TENM2: variants seen among roughly 807,000 people sequenced by gnomAD.
TENM2 encodes the protein teneurin transmembrane protein 2.
In TENM2, 52 loss-of-function variants were observed where a neutral mutation model predicts 245.2. The observed-to-expected ratio is 0.21, with a 90% confidence interval of 0.17 to 0.27. The LOEUF (loss-of-function observed/expected upper bound fraction) is 0.27. Among genes scored for constraint, TENM2 ranks in the 10% least tolerant of loss-of-function variants. TENM2 has a pLI of 1.00. For missense variants in TENM2, 3,046 were observed against 3,666.8 expected (o/e 0.83, Z 4.37); for synonymous variants, 1,363 against 1,438.9 (o/e 0.95, Z 1.19).
chr5:166,990,277 C>G, the TENM2 span, among the ~76,000 whole-genome samples: 1 of 152,170 alleles, frequency 6.6e-6, no homozygotes, highest in Non-Finnish European at 1.5e-5. Context: ...CATCTGAAGG[C>G]TCAGCCTTTA....
chr5:168,220,777 G>T (rs1462541751), intron 23 of TENM2, among the ~76,000 whole-genome samples: 1 of 152,076 alleles, frequency 6.6e-6, no homozygotes, highest in East Asian at 1.9e-4. Context: ...TTAGAGAAAG[G>T]GTGATGAAGA....
At chr5:167,820,947 C>T (rs569107974) in intron 2 of TENM2, 1 of 152,266 alleles carries the variant, frequency 6.6e-6, no homozygotes, top group African/African-American at 2.4e-5. Flanking sequence ...GTCTGCCAAG[C>T]CAAATATCCA....
At chr5:167,360,811 T>C (rs1033052903) in intron 1 of TENM2, among the ~76,000 whole-genome samples, 18 of 152,116 alleles carry the variant, frequency 1.2e-4, no homozygotes, top group Non-Finnish European at 7.4e-5. Context: ...GACTGGAGAT[T>C]GGGAGTGGAA....
the TENM2 span, among the ~76,000 whole-genome samples, chr5:167,265,949 C>T: frequency 2.6e-5 from 4 of 152,036 alleles, no homozygotes; most frequent in South Asian, 4.1e-4. Context: ...GCTCATGAAA[C>T]TGGCATTGCA....
intron 1 of TENM2, among the ~76,000 whole-genome samples, chr5:167,328,556 T>C (rs1054577651): frequency 1.3e-5 from 2 of 152,178 alleles, no homozygotes; most frequent in African/African-American, 4.8e-5. Flanking sequence ...GCTTATTAAA[T>C]TTATAAATCA....
At chr5:168,091,718 G>A (rs1196728633) in intron 8 of TENM2, among the ~76,000 whole-genome samples, 3 of 152,184 alleles carry the variant, frequency 2.0e-5, no homozygotes, top group Non-Finnish European at 4.4e-5. Context: ...GGGCTTCTGG[G>A]TCTTGTCCAC....
chr5:167,301,669 G>C (rs1421696226), intron 1 of TENM2, among the ~76,000 whole-genome samples: 5 of 152,150 alleles, frequency 3.3e-5, no homozygotes, highest in Non-Finnish European at 7.4e-5. Context: ...GTCTAGGGCT[G>C]TAAAGCGTCT....
chr5:167,445,602 T>G (rs1441382691), intron 2 of TENM2, among the ~76,000 whole-genome samples: 1 of 152,138 alleles, frequency 6.6e-6, no homozygotes, highest in Non-Finnish European at 1.5e-5. Context: ...CCAATAACCC[T>G]ACAATATCAG....
intron 2 of TENM2, among the ~76,000 whole-genome samples, chr5:167,678,551 G>T (rs1421868777): frequency 6.6e-6 from 1 of 152,058 alleles, no homozygotes; most frequent in Non-Finnish European, 1.5e-5. Context: ...CCAGTTATTT[G>T]CTTATTATCC....
At chr5:167,003,322 G>A in the TENM2 span, among the ~76,000 whole-genome samples, 2 of 152,038 alleles carry the variant, frequency 1.3e-5, no homozygotes, top group Non-Finnish European at 1.5e-5. Context: ...TCATTAAAAC[G>A]TCCCTACAAA....
intron 2 of TENM2, among the ~76,000 whole-genome samples, chr5:167,474,721 A>G (rs1039236762): frequency 1.3e-5 from 2 of 151,986 alleles, no homozygotes; most frequent in South Asian, 4.2e-4. Context: ...TCGCCATGTT[A>G]GTCAGGCTGG....
chr5:167,458,486 CAAAAAAACAAAAAAA>C (rs1234830391), intron 2 of TENM2, among the ~76,000 whole-genome samples: 4 of 35,792 alleles, frequency 1.1e-4, no homozygotes, highest in South Asian at 1.1e-3. Context: ...GACTCCGTCT[CAAAAAAACAAAAAAA>C]AAAAAAAAAA....
intron 1 of TENM2, among the ~76,000 whole-genome samples, chr5:167,293,957 C>G (rs1249246867): frequency 6.9e-6 from 1 of 144,824 alleles, no homozygotes; most frequent in Non-Finnish European, 1.5e-5. Flanking sequence ...AAATCAGAGA[C>G]TCTAAGTAGA....
At chr5:167,571,808 G>A (rs1774283312) in intron 2 of TENM2, among the ~76,000 whole-genome samples, 1 of 152,030 alleles carries the variant, frequency 6.6e-6, no homozygotes, top group African/African-American at 2.4e-5. Flanking sequence ...TATTTTTATT[G>A]GCAGAAAATT....
At chr5:167,166,009 G>A in the TENM2 span, among the ~76,000 whole-genome samples, 5 of 152,210 alleles carry the variant, frequency 3.3e-5, no homozygotes, top group East Asian at 9.7e-4. Context: ...TTTCTTGTAT[G>A]AATATTCATA....
At chr5:167,053,551 T>C in the TENM2 span, among the ~76,000 whole-genome samples, 6 of 152,294 alleles carry the variant, frequency 3.9e-5, no homozygotes, top group East Asian at 7.7e-4. Context: ...TATCCATGTG[T>C]ATCCATGAAC....
intron 3 of TENM2, chr5:167,952,279 T>G: frequency 2.1e-6 from 1 of 473,580 alleles, no homozygotes; most frequent in Non-Finnish European, 3.8e-6. Context: ...TTGAATGTCA[T>G]GTTACTTTCA....
Position 168,047,209 on chromosome 5 carries a change from T to TC in TENM2, c.1187-213dup, listed in dbSNP as rs148007870. Among the ~76,000 whole-genome samples, 1,020 of 152,164 alleles carry TC rather than the reference T, an allele frequency of 6.7e-3. 9 individuals are homozygous for TC. The highest frequency in any genetic ancestry group is 0.024 in the African/African-American group (976 of 41,504). On this transcript the variant is annotated intron_variant, in intron 5 of 28. Transcript: ENST00000518659. Reference sequence around the variant, plus strand: ...CCTCCGCTCACTGTAAGGGATCCTCTCCCCCTGAGACTGTGAGCAGCAGCG... The same window carrying TC: ...CCTCCGCTCACTGTAAGGGATCCTCTCCCCCCTGAGACTGTGAGCAGCAGCG...
At chr5:168,004,472 G>A (rs934340383) in intron 5 of TENM2, among the ~76,000 whole-genome samples, 1 of 151,360 alleles carries the variant, frequency 6.6e-6, no homozygotes, top group African/African-American at 2.4e-5. Flanking sequence ...AAAGAGAAGG[G>A]AAGGGAGGTC....
Sources: allele counts gnomAD v4.1 joint callset (sites outside exome capture counted in the v4.1 genomes callset), GRCh38; gene constraint gnomAD v4.1.1; transcripts MANE v1.5; gene names NCBI Gene and HGNC (gene_info 2026-07-23, HGNC 2026-07-21).